Variants in SDK1 observed in about 807,000 individuals in gnomAD.
SDK1 encodes protein sidekick-1.
Under a neutral mutation model 245.5 loss-of-function variants are expected in SDK1, and 157 were observed. The observed-to-expected ratio is 0.64, with a 90% CI of 0.56 to 0.73. The LOEUF (loss-of-function observed/expected upper bound fraction) is 0.73, where lower values mean the gene tolerates loss of function less well. Ranked by LOEUF, SDK1 falls within the 30% of genes least tolerant of loss-of-function variation. SDK1 has a pLI of 0.00. For missense variants in SDK1, 3,583 were observed against 3,002.3 expected, an observed-to-expected ratio of 1.19 and a Z score of -4.52; for synonymous variants, 1,647 against 1,278.5, an observed-to-expected ratio of 1.29 and a Z score of -6.15.
chr7:3,470,037 A>C (rs1333556747), intron 1 of SDK1, among the ~76,000 whole-genome samples: 1 of 152,134 alleles, frequency 6.6e-6, no homozygotes. Context: ...CTTTTCTTTC[A>C]TTCATTTTTC....
chr7:3,922,893 A>G (rs954533709), intron 5 of SDK1, among the ~76,000 whole-genome samples: 1 of 152,148 alleles, frequency 6.6e-6, no homozygotes, highest in Non-Finnish European at 1.5e-5. Flanking sequence ...CTGTGCTTAT[A>G]TTTGATCTTT....
At chr7:3,567,254 A>G (rs1779951460) in intron 1 of SDK1, among the ~76,000 whole-genome samples, 1 of 152,192 alleles carries the variant, frequency 6.6e-6, no homozygotes, top group Non-Finnish European at 1.5e-5. Context: ...CTCGACAGGT[A>G]TTTATCCTCC....
chr7:3,343,002 G>GAAAAAAAAAAAAA lies in SDK1; in HGVS notation c.298+41120_298+41132dup, dbSNP rs59587479. On this transcript the variant is annotated intron_variant, in intron 1 of 44. Coordinates refer to ENST00000404826, the MANE Select transcript of SDK1 (RefSeq NM_152744.4). ...GGGAGAAAACTTCTGCTAAATGGCT[G>GAAAAAAAAAAAAA]AAAAAAAAAAAAAAGCACCAAATGT... is the stretch of plus-strand genomic sequence containing the variant. 2.2e-5 allele frequency among the ~76,000 whole-genome samples: 3 copies of GAAAAAAAAAAAAA among 137,996 alleles called. 1 individual carries two copies. The highest frequency in any genetic ancestry group is 3.1e-5 in the Non-Finnish European group (2 of 65,240). 90.5% of individuals were successfully genotyped at this position (137,996 alleles called of 152,430 possible). A position where few individuals can be genotyped will look rare whatever the true frequency, so the allele number is the denominator to read the frequency against.
chr7:3,319,888 T>TTTTTTTTTTTTTTTTTTTTC (rs1779757154), intron 1 of SDK1, among the ~76,000 whole-genome samples: 1 of 145,984 alleles, frequency 6.9e-6, no homozygotes, highest in Non-Finnish European at 1.5e-5. Flanking sequence ...CTTTTTTTTT[T>TTTTTTTTTTTTTTTTTTTTC]TTTTTTTGCA....
intron 5 of SDK1, among the ~76,000 whole-genome samples, chr7:3,935,361 A>G (rs1780119900): frequency 6.6e-6 from 1 of 152,244 alleles, no homozygotes; most frequent in African/African-American, 2.4e-5. Flanking sequence ...TGATAACACT[A>G]AAAGCACAGG....
At chr7:3,553,919 C>T (rs1779503089) in intron 1 of SDK1, among the ~76,000 whole-genome samples, 2 of 152,268 alleles carry the variant, frequency 1.3e-5, no homozygotes, top group South Asian at 4.1e-4. Context: ...CCGTGGGAGC[C>T]CCCATCAGAA....
chr7:4,078,070 G>A (rs575339902), intron 21 of SDK1, among the ~76,000 whole-genome samples: 3 of 152,300 alleles, frequency 2.0e-5, no homozygotes, highest in East Asian at 1.9e-4. Context: ...ACACTCTGAC[G>A]CACACTACGT....
chr7:4,102,426 CT>C (rs1217402983), intron 22 of SDK1, among the ~76,000 whole-genome samples: 3 of 152,166 alleles, frequency 2.0e-5, no homozygotes, highest in Non-Finnish European at 4.4e-5. Context: ...GGCTTGGCAG[CT>C]TTCCATGGAA....
intron 34 of SDK1, among the ~76,000 whole-genome samples, chr7:4,176,903 C>T (rs138568716): frequency 5.9e-5 from 9 of 152,340 alleles, no homozygotes; most frequent in East Asian, 1.9e-4. Flanking sequence ...CAATAAACCA[C>T]GTTGTTTCTC....
chr7:3,962,015 A>T (rs1023416292), intron 8 of SDK1, among the ~76,000 whole-genome samples: 4 of 152,188 alleles, frequency 2.6e-5, no homozygotes, highest in African/African-American at 9.7e-5. Context: ...ACACATGTAA[A>T]CACGTAGACA....
chr7:3,738,967 T>C (rs1022370258), intron 4 of SDK1, among the ~76,000 whole-genome samples: 1 of 147,954 alleles, frequency 6.8e-6, no homozygotes, highest in African/African-American at 2.6e-5. Flanking sequence ...TTTTGTTTTT[T>C]TGTTTTTTTA....
intron 44 of SDK1, among the ~76,000 whole-genome samples, chr7:4,246,217 G>A (rs1786850027): frequency 2.0e-5 from 3 of 152,234 alleles, no homozygotes; most frequent in African/African-American, 7.2e-5. Flanking sequence ...CCCTCTGTGA[G>A]AGGTTTCTTG....
intron 1 of SDK1, among the ~76,000 whole-genome samples, chr7:3,603,076 T>C (rs1304433704): frequency 6.6e-6 from 1 of 151,922 alleles, no homozygotes; most frequent in Non-Finnish European, 1.5e-5. Context: ...GCTGTTTTGG[T>C]TACTGTAGCC....
chr7:3,838,863 G>A (rs1296351538), intron 5 of SDK1, among the ~76,000 whole-genome samples: 1 of 152,156 alleles, frequency 6.6e-6, no homozygotes, highest in Admixed American at 6.5e-5. Context: ...CAAAAACAGG[G>A]AAATATAAGT....
intron 31 of SDK1, among the ~76,000 whole-genome samples, chr7:4,159,557 G>A (rs1439012530): frequency 6.6e-6 from 1 of 152,204 alleles, no homozygotes; most frequent in Non-Finnish European, 1.5e-5. Context: ...TCTTTTCTGA[G>A]CACAAATCCT....
At chr7:3,794,753 C>A (rs918355204) in intron 4 of SDK1, among the ~76,000 whole-genome samples, 26 of 152,016 alleles carry the variant, frequency 1.7e-4, no homozygotes, top group African/African-American at 6.3e-4. Flanking sequence ...ATAGATCACC[C>A]AATTTCAGAA....
intron 1 of SDK1, among the ~76,000 whole-genome samples, chr7:3,401,438 G>C (rs991220049): frequency 6.6e-6 from 1 of 152,144 alleles, no homozygotes; most frequent in African/African-American, 2.4e-5. Flanking sequence ...AAGACTTTTT[G>C]AGAGAGAGCA....
Position 4,051,828 on chromosome 7 carries a change from A to G in SDK1, c.2909A>G (p.Asp970Gly). ...CCTCAGCTGGTCTGGACTCAGGAAG[A>G]CAGTGAGTATTCCTTTCTGCGTGTC... is the stretch of plus-strand genomic sequence containing the variant. ...STPQLVWTQE[D>G]KPGAVGHLSF... The change falls in exon 19 of 45, where the codon GAC (aspartate) becomes GGC (glycine). Residue 970 changes from aspartate to glycine, a missense_variant and splice_region_variant. Transcript: ENST00000404826. 1 of 1,608,234 alleles carries G rather than the reference A, an allele frequency of 6.2e-7. No homozygotes were observed. The highest frequency in any genetic ancestry group is 1.1e-5 in the South Asian group (1 of 90,546).
intron 1 of SDK1, among the ~76,000 whole-genome samples, chr7:3,608,548 T>C (rs543076703): frequency 6.6e-6 from 1 of 152,356 alleles, no homozygotes; most frequent in East Asian, 1.9e-4. Context: ...ACCTTGAATA[T>C]GCCCACCATG....
Sources: allele counts gnomAD v4.1 joint callset (sites outside exome capture counted in the v4.1 genomes callset), GRCh38; gene constraint gnomAD v4.1.1; transcripts MANE v1.5; gene names NCBI Gene and HGNC (gene_info 2026-07-23, HGNC 2026-07-21).